ABCG8: variants seen among roughly 807,000 people sequenced by gnomAD.
ABCG8 encodes the protein ATP-binding cassette sub-family G member 8.
In ABCG8, 81 loss-of-function variants were observed where a neutral mutation model predicts 71.3. The observed-to-expected ratio is 1.14, with a 90% CI of 0.95 to 1.37. The LOEUF is 1.37. Among genes scored for constraint, ABCG8 ranks in the 40% most tolerant of loss-of-function variants. The pLI is 0.00. For missense variants in ABCG8, 1,119 were observed against 866.2 expected (o/e 1.29, Z -3.66); for synonymous variants, 451 against 354.7 (o/e 1.27, Z -3.05).
chr2:43,873,945 C>G lies in ABCG8; in HGVS notation c.1370C>G (p.Ala457Gly), dbSNP rs778309044. The G allele has an allele frequency of 6.2e-7, 1 of 1,614,164 alleles. No homozygotes were observed. The highest frequency in any genetic ancestry group is 8.5e-7 in the Non-Finnish European group (1 of 1,180,030). The change falls in exon 9 of 13, where the codon GCT becomes GGT. Residue 457 changes from alanine (A) to glycine (G), a missense_variant. Transcript: ENST00000272286. ...DTAALLFMIG[A>G]LIPFNVILDV... ...GCCGCCCTCTTGTTCATGATCGGTG[C>G]TCTCATCCCTTTCAACGTCATTCTG...
At chr2:43,856,336 G>T (rs1373169379) in intron 6 of ABCG8, among the ~76,000 whole-genome samples, 1 of 133,150 alleles carries the variant, frequency 7.5e-6, no homozygotes, top group East Asian at 2.1e-4. Context: ...CTCACTCCCT[G>T]TCTGGATAGA....
intron 6 of ABCG8, among the ~76,000 whole-genome samples, chr2:43,854,877 T>C (rs1669048363): frequency 6.6e-6 from 1 of 152,156 alleles, no homozygotes; most frequent in Non-Finnish European, 1.5e-5. Flanking sequence ...TGGGGTTGCC[T>C]GGTGCTCCCT....
At chr2:43,876,503 C>T (rs1211138497) in intron 11 of ABCG8, among the ~76,000 whole-genome samples, 1 of 151,340 alleles carries the variant, frequency 6.6e-6, no homozygotes, top group Non-Finnish European at 1.5e-5. Flanking sequence ...AGGAGGAGAC[C>T]GTGGGAATAT....
In ABCG8 at chr2:43,875,301, C is replaced by T. The variant is rs200018072; in HGVS notation, c.1644C>T (p.Ala548=). The T allele has an allele frequency of 2.7e-5, 44 of 1,614,180 alleles. No homozygotes were observed. The highest frequency in any genetic ancestry group is 8.8e-5 in the South Asian group (8 of 91,086). The part of the protein sequence containing the change: ...VVFCCRIMAL[A]AAALLPTFHM... ...TCTGTTGCAGGATTATGGCCCTGGC[C>T]GCCGCGGCCCTGCTCCCCACCTTCC... The change falls in exon 11 of 13, where the codon GCC becomes GCT. Residue 548 remains alanine, a synonymous_variant. Coordinates refer to ENST00000272286, the MANE Select transcript of ABCG8 (RefSeq NM_022437.3).
At position 43,873,863 on chromosome 2, in the gene ABCG8, A is replaced by G; in HGVS notation, c.1288A>G (p.Thr430Ala). ...GGCGGAGGCCTGTCTGATGTCAATG[A>G]CCATCGGCTTCCTCTATTTTGGCCA... ...HGAEACLMSM[T>A]IGFLYFGHGS... The change falls in exon 9 of 13, where the codon ACC becomes GCC. Residue 430 changes from threonine (T) to alanine (A), a missense_variant. Physicochemically the swap from Thr to Ala is moderately conservative, Grantham distance 58. Transcript: ENST00000272286. 3 of 1,613,932 alleles carry G rather than the reference A, an allele frequency of 1.9e-6. No homozygotes were observed. Among genetic ancestry groups the G allele is most frequent in the Non-Finnish European group, 2.5e-6 (3 of 1,179,974 alleles).
At chr2:43,851,348 C>T (rs1668907035) in intron 3 of ABCG8, among the ~76,000 whole-genome samples, 2 of 152,240 alleles carry the variant, frequency 1.3e-5, no homozygotes, top group Admixed American at 6.5e-5. Flanking sequence ...CCCCCAGCGC[C>T]ATCATGCCTT....
chr2:43,865,603 A>T (rs1201729913), intron 6 of ABCG8, among the ~76,000 whole-genome samples: 2 of 151,586 alleles, frequency 1.3e-5, no homozygotes, highest in African/African-American at 4.8e-5. Context: ...CACCCTCTAG[A>T]TAGAACTCTC....
chr2:43,840,785 C>T (rs1452453876), intron 1 of ABCG8, among the ~76,000 whole-genome samples: 2 of 152,184 alleles, frequency 1.3e-5, no homozygotes, highest in Admixed American at 1.3e-4. Flanking sequence ...GCCCCCTCAG[C>T]TCCATCCCAC....
intron 6 of ABCG8, 119 bp from the exon 7 acceptor site, chr2:43,871,857 A>G: frequency 7.0e-7 from 1 of 1,419,432 alleles, no homozygotes; most frequent in Non-Finnish European, 9.7e-7. Context: ...GGTGGGGAGA[A>G]TGTCCCAGAG....
intron 3 of ABCG8, chr2:43,846,970 ATCC>A (rs1184266261): frequency 6.3e-6 from 1 of 159,832 alleles, no homozygotes; most frequent in Non-Finnish European, 1.3e-5. Context: ...TGTCTAGAGT[ATCC>A]TCCTGCACGC....
intron 6 of ABCG8, among the ~76,000 whole-genome samples, chr2:43,857,891 T>C (rs1276821759): frequency 6.6e-6 from 1 of 151,690 alleles, no homozygotes; most frequent in African/African-American, 2.4e-5. Flanking sequence ...TGGATAGAAG[T>C]CTTACTATCA....
At chr2:43,865,070 A>G (rs1410789117) in intron 6 of ABCG8, among the ~76,000 whole-genome samples, 1 of 150,120 alleles carries the variant, frequency 6.7e-6, no homozygotes, top group Non-Finnish European at 1.5e-5. Flanking sequence ...AACTCCCACT[A>G]TCTGTCTGGA....
At chr2:43,869,866 T>C (rs1026476909) in intron 6 of ABCG8, among the ~76,000 whole-genome samples, 5 of 152,018 alleles carry the variant, frequency 3.3e-5, no homozygotes, top group Admixed American at 3.3e-4. Context: ...TCACTATCTA[T>C]GTAGACAGAA....
intron 9 of ABCG8, 107 bp downstream of exon 9, chr2:43,874,093 TAA>T: frequency 8.5e-7 from 1 of 1,182,932 alleles, no homozygotes; most frequent in South Asian, 1.2e-5. Context: ...TTGTGATATA[TAA>T]GACAATAATG....
intron 6 of ABCG8, among the ~76,000 whole-genome samples, chr2:43,862,118 C>G (rs1227119190): frequency 6.7e-6 from 1 of 149,514 alleles, no homozygotes; most frequent in Non-Finnish European, 1.5e-5. Flanking sequence ...CTGGATAGAA[C>G]TCTTACTACC....
At chr2:43,874,780 C>T (rs925258872) in intron 10 of ABCG8, among the ~76,000 whole-genome samples, 3 of 152,184 alleles carry the variant, frequency 2.0e-5, no homozygotes, top group East Asian at 1.9e-4. Context: ...ACTGTGGCCC[C>T]CCAGCAGGCC....
intron 9 of ABCG8, 134 bp from the exon 10 acceptor site, chr2:43,874,273 C>G (rs1669881424): frequency 4.5e-6 from 4 of 888,010 alleles, no homozygotes; most frequent in African/African-American, 3.3e-5. Flanking sequence ...TTTACTGTGC[C>G]TATTTAAAAA....
intron 1 of ABCG8, among the ~76,000 whole-genome samples, chr2:43,841,385 T>C (rs906237699): frequency 4.6e-5 from 7 of 152,232 alleles, no homozygotes; most frequent in Admixed American, 1.3e-4. Flanking sequence ...ATTCAAGTGA[T>C]GTTCTGACAG....
At chr2:43,868,865 A>G (rs1344122590) in intron 6 of ABCG8, among the ~76,000 whole-genome samples, 1 of 150,484 alleles carries the variant, frequency 6.6e-6, no homozygotes, top group Non-Finnish European at 1.5e-5. Context: ...AATCTTTCAG[A>G]TAGAATTCTC....
Sources: gnomAD v4.1 joint callset for allele counts (sites outside exome capture counted in the v4.1 genomes callset) on GRCh38, gnomAD v4.1.1 for gene constraint, MANE v1.5 for transcripts, NCBI Gene and HGNC (gene_info 2026-07-23, HGNC 2026-07-21) for gene names.